The following HMCN1 variants were observed in gnomAD, a reference collection of about 807,000 sequenced individuals.
HMCN1 encodes hemicentin 1.
In HMCN1, 321 loss-of-function variants were observed where a neutral mutation model predicts 625.9. That is an observed-to-expected ratio of 0.51 (90% CI 0.47 to 0.56). The LOEUF (loss-of-function observed/expected upper bound fraction) is 0.56. Among genes scored for constraint, HMCN1 ranks in the 20% least tolerant of loss-of-function variants. HMCN1 has a pLI of 0.00. For missense variants in HMCN1, 6,588 were observed against 6,887.3 expected (o/e 0.96, Z 1.54); for synonymous variants, 2,425 against 2,417.6 (o/e 1.00, Z -0.09).
chr1:185,743,622 C>T (rs183409877), intron 1 of HMCN1, among the ~76,000 whole-genome samples: 32 of 152,302 alleles, frequency 2.1e-4, no homozygotes, highest in Non-Finnish European at 4.1e-4. Flanking sequence ...TGTAAGTGTT[C>T]TCACAAATCT....
At position 185,941,101 on chromosome 1, in the gene HMCN1, C is replaced by T. The variant is rs187172775; in HGVS notation, c.1828+7277C>T. Among the ~76,000 whole-genome samples the T allele has an allele frequency of 5.0e-3, 761 of 152,150 alleles. 3 individuals are homozygous for T. The highest frequency in any genetic ancestry group is 9.4e-3 in the Non-Finnish European group (640 of 68,002). ...CGAGCTCCTGACCTCATGATCTGCC[C>T]GCCTCGGCCTCCCAAAGTGCTGAGA... On this transcript the variant is annotated intron_variant, in intron 11 of 106. Coordinates refer to ENST00000271588, the MANE Select transcript of HMCN1 (RefSeq NM_031935.3).
chr1:185,775,554 C>T (rs1400729708), intron 1 of HMCN1, among the ~76,000 whole-genome samples: 12 of 152,210 alleles, frequency 7.9e-5, no homozygotes, highest in Admixed American at 7.8e-4. Context: ...TATAAACAGG[C>T]TGGCTCCTAT....
At chr1:186,110,253 G>A (rs1299872475) in intron 71 of HMCN1, among the ~76,000 whole-genome samples, 1 of 152,140 alleles carries the variant, frequency 6.6e-6, no homozygotes, top group African/African-American at 2.4e-5. Context: ...TAAGTTTGTA[G>A]GAGGTTGACT....
At chr1:186,112,975 T>A (rs1475621086) in intron 72 of HMCN1, 22 bp downstream of exon 72, 3 of 1,613,038 alleles carry the variant, frequency 1.9e-6, no homozygotes, top group East Asian at 4.5e-5. Context: ...TATTCATTGT[T>A]CCACAATTTA....
intron 2 of HMCN1, among the ~76,000 whole-genome samples, chr1:185,858,263 G>A (rs999659314): frequency 6.6e-6 from 1 of 151,922 alleles, no homozygotes; most frequent in Admixed American, 6.6e-5. Flanking sequence ...TCTTATTACC[G>A]AGAAAAGTAC....
intron 36 of HMCN1, among the ~76,000 whole-genome samples, chr1:186,030,551 T>C (rs1473004682): frequency 1.3e-5 from 2 of 152,020 alleles, no homozygotes; most frequent in Non-Finnish European, 2.9e-5. Flanking sequence ...TTTTCATCTT[T>C]TTACTTTCAA....
intron 4 of HMCN1, among the ~76,000 whole-genome samples, chr1:185,876,391 T>C (rs1302332080): frequency 6.6e-6 from 1 of 152,132 alleles, no homozygotes; most frequent in East Asian, 1.9e-4. Context: ...GTGTCTTTTT[T>C]GGGTATAACA....
At chr1:186,106,186 G>C (rs1176538275) in intron 69 of HMCN1, among the ~76,000 whole-genome samples, 1 of 152,126 alleles carries the variant, frequency 6.6e-6, no homozygotes, top group East Asian at 1.9e-4. Context: ...TACATTTTTC[G>C]CAGTAGTAAG....
At position 186,182,234 on chromosome 1, in the gene HMCN1, A is replaced by T; in HGVS notation, c.16361A>T (p.Gln5454Leu). 1.2e-6 allele frequency: 2 copies of T among 1,613,532 alleles called. No individual in the cohort carries two copies. The highest frequency in any genetic ancestry group is 1.7e-6 in the Non-Finnish European group (2 of 1,179,506). The change falls in exon 105 of 107, where the codon CAG (glutamine) becomes CTG (leucine). Residue 5454 changes from glutamine (Q) to leucine (L), a missense_variant. Physicochemically the swap from Gln to Leu is moderately radical, Grantham distance 113. Transcript: ENST00000271588. ...HECKNTFGSY[Q>L]CICPPGYQLT... ...TGTAAGAATACCTTTGGAAGTTATC[A>T]GTGCATCTGCCCACCTGGCTATCAA...
chr1:185,989,804 A>G (rs535845969), intron 21 of HMCN1, among the ~76,000 whole-genome samples, 157 bp downstream of exon 21: 35 of 125,922 alleles, frequency 2.8e-4, no homozygotes, highest in Middle Eastern at 4.7e-3. Context: ...ACAGAAATGC[A>G]TTTTTTACTG....
At chr1:185,805,887 T>G (rs1380209035) in intron 1 of HMCN1, among the ~76,000 whole-genome samples, 1 of 152,152 alleles carries the variant, frequency 6.6e-6, no homozygotes. Context: ...ATCATTACCA[T>G]TTGGTGCCAC....
At chr1:186,059,898 T>C (rs1190507696) in intron 46 of HMCN1, among the ~76,000 whole-genome samples, 7 of 152,068 alleles carry the variant, frequency 4.6e-5, no homozygotes, top group African/African-American at 1.7e-4. Flanking sequence ...GTGAAACTTA[T>C]GAGGTTGACG....
chr1:186,055,645 CT>C lies in HMCN1; in HGVS notation c.7116del (p.Asp2373ThrfsTer6). On this transcript the variant is annotated frameshift_variant, in exon 45 of 107. Coordinates refer to ENST00000271588, the MANE Select transcript of HMCN1 (RefSeq NM_031935.3). LOFTEE classifies it high-confidence loss of function. ...VCVAVNVAGM[T>X]DKKYDLSVHA... is the part of the protein sequence containing the mutation. The stretch of plus-strand genomic sequence containing the variant: ...GTTGCTGTGAATGTAGCAGGAATGA[CT>C]GACAAAAAATATGACTTAAGTGTCC... The C allele has an allele frequency of 6.2e-7, 1 of 1,612,614 alleles. No homozygotes were observed. The highest frequency in any genetic ancestry group is 8.5e-7 in the Non-Finnish European group (1 of 1,179,018).
At chr1:185,746,478 G>A (rs907817064) in intron 1 of HMCN1, among the ~76,000 whole-genome samples, 2 of 152,156 alleles carry the variant, frequency 1.3e-5, no homozygotes, top group Admixed American at 6.5e-5. Context: ...TTTCATGCCT[G>A]TCTCCCAACT....
intron 1 of HMCN1, among the ~76,000 whole-genome samples, chr1:185,736,161 G>T (rs138445049): frequency 6.6e-6 from 1 of 152,010 alleles, no homozygotes; most frequent in Non-Finnish European, 1.5e-5. Context: ...AATGGCACTG[G>T]GAGAAATTTA....
intron 1 of HMCN1, among the ~76,000 whole-genome samples, chr1:185,812,783 A>G (rs1659604992): frequency 1.3e-5 from 2 of 151,272 alleles, no homozygotes; most frequent in Non-Finnish European, 2.9e-5. Context: ...TGGAATATAC[A>G]TACATATGTT....
intron 43 of HMCN1, among the ~76,000 whole-genome samples, chr1:186,053,382 A>G (rs963126336): frequency 6.6e-6 from 1 of 152,004 alleles, no homozygotes; most frequent in Non-Finnish European, 1.5e-5. Flanking sequence ...TTCAGAAACT[A>G]TATTTTCTTC....
In HMCN1 at chr1:186,169,977, G is replaced by GA. The variant is rs1178279731; in HGVS notation, c.15575-1348dup. Among the ~76,000 whole-genome samples, 215 of 129,094 alleles carry GA rather than the reference G, an allele frequency of 1.7e-3. No individual in the cohort carries two copies. The Middle Eastern group carries it at 0.02, about 12-fold the overall frequency. The allele number at this position is 129,094 out of a possible 152,430, so 84.7% of individuals were successfully genotyped here. On this transcript the variant is annotated intron_variant, in intron 100 of 106. Transcript: ENST00000271588. ...ATCTACAAGGAACTTAAATTTACAA[G>GA]AAAAAAAAAAAACCATCAAAAAGTG...
intron 88 of HMCN1, 53 bp downstream of exon 88, chr1:186,137,721 G>A (rs116697535): frequency 2.0e-4 from 317 of 1,613,814 alleles, no homozygotes; most frequent in Non-Finnish European, 2.6e-4. Context: ...CTTCATTTCT[G>A]TCTTCTACCT....
Sources: gnomAD v4.1 joint callset for allele counts (sites outside exome capture counted in the v4.1 genomes callset) on GRCh38, gnomAD v4.1.1 for gene constraint, MANE v1.5 for transcripts, NCBI Gene and HGNC (gene_info 2026-07-23, HGNC 2026-07-21) for gene names.